NLRC3: variants seen among roughly 807,000 people sequenced by gnomAD.
The protein encoded by NLRC3 is NLR family CARD domain-containing protein 3.
NLRC3 carries 87 observed loss-of-function variants against 91.6 expected under a neutral mutation model. That is an observed-to-expected ratio of 0.95 (90% confidence interval 0.80 to 1.14). The LOEUF is 1.14. Among genes scored for constraint, NLRC3 ranks in the 50% most tolerant of loss-of-function variants. The pLI is 0.00. For synonymous variants in NLRC3, 694 were observed against 625.3 expected (o/e 1.11, Z -1.64); for missense variants, 1,577 against 1,418.6 (o/e 1.11, Z -1.79).
At position 3,564,282 on chromosome 16, in the gene NLRC3, C is replaced by A. The variant is rs759686186; in HGVS notation, c.655G>T (p.Asp219Tyr). 3 of 1,612,006 alleles carry A rather than the reference C, an allele frequency of 1.9e-6. No homozygotes were observed. Among genetic ancestry groups the A allele is most frequent in the Admixed American group, 1.7e-5 (1 of 59,882 alleles). ...GGCGTCCTGCACTCATCCAAGCCGT[C>A]CAGGATCAGGAGGGCCCTGGCTGGG... ...AVPARALLILDGLDECRTPLD... is the reference protein window; with the variant it reads ...AVPARALLILYGLDECRTPLD... The change falls in exon 5 of 20, where the codon GAC (aspartate) becomes TAC (tyrosine). Residue 219 changes from aspartate to tyrosine, a missense_variant. Transcript: ENST00000359128. This position sits in a 1 kb window ranked among gnomAD's most constrained non-coding sequence, Gnocchi z 5.9.
At position 3,577,174 on chromosome 16, in the gene NLRC3, G is replaced by T; in HGVS notation, c.-194C>A. 1 of 702,972 alleles carries T rather than the reference G, an allele frequency of 1.4e-6. No homozygotes were observed. The highest frequency in any genetic ancestry group is 2.6e-6 in the Non-Finnish European group (1 of 384,986). 43.5% of individuals were successfully genotyped at this position (702,972 alleles called of 1,614,324 possible). A position where few individuals can be genotyped will look rare whatever the true frequency, so the allele number is the denominator to read the frequency against. On this transcript the variant is annotated 5_prime_UTR_variant, in exon 1 of 20. Coordinates refer to ENST00000359128, the MANE Select transcript of NLRC3 (RefSeq NM_178844.4). ...CTCCCGGGCCTCGATGCTGCTCCAGGGACAGCAAGACTGGGGGGCCTGGGG... is the reference window on the plus strand; with the variant it reads ...CTCCCGGGCCTCGATGCTGCTCCAGTGACAGCAAGACTGGGGGGCCTGGGG...
At chr16:3,566,991 G>A (rs1408530012) in intron 2 of NLRC3, among the ~76,000 whole-genome samples, 1 of 152,176 alleles carries the variant, frequency 6.6e-6, no homozygotes, top group Admixed American at 6.5e-5. Context: ...TTCTCAGAGC[G>A]GCTGTTTTTC....
intron 9 of NLRC3, among the ~76,000 whole-genome samples, chr16:3,552,796 G>A (rs1596456875): frequency 2.0e-5 from 3 of 152,130 alleles, no homozygotes; most frequent in East Asian, 3.9e-4. Context: ...AAAAATTAGC[G>A]GGGCGTGGTG....
Position 3,555,957 on chromosome 16 carries a change from A to AATAAAT in NLRC3, c.2183+948_2183+953dup, listed in dbSNP as rs2039295611. ...AAATAAATAAATAAATAAATAAATA[A>AATAAAT]ATAAATAAATAAATGAAAACAGAAC... On this transcript the variant is annotated intron_variant, in intron 8 of 19. Coordinates refer to ENST00000359128, the MANE Select transcript of NLRC3 (RefSeq NM_178844.4). 4.7e-5 allele frequency: 7 copies of AATAAAT among 147,592 alleles called. No homozygotes were observed. The South Asian group carries it at 1.3e-3, about 27-fold the overall frequency. 9.1% of individuals were successfully genotyped at this position (147,592 alleles called of 1,614,324 possible).
intron 16 of NLRC3, chr16:3,543,883 G>T (rs766672498): frequency 1.2e-5 from 4 of 346,898 alleles, no homozygotes; most frequent in African/African-American, 2.1e-5. Flanking sequence ...GCCAGGTGTG[G>T]TGGCTCACAC....
rs769143954 is a variant in NLRC3 at position 3,563,143 on chromosome 16, G to A, written c.1794C>T (p.Pro598=). 47 of 1,587,592 alleles carry A rather than the reference G, an allele frequency of 3.0e-5. No homozygotes were observed. The East Asian group carries it at 3.0e-4, about 10-fold the overall frequency. ...ESGALARLTG[P]AHRAALAYLL... Reference sequence around the variant, plus strand: ...GGTAGGCCAGGGCAGCGCGGTGCGCGGGACCAGTCAGCCTGGCCAGGGCCC... The same window carrying A: ...GGTAGGCCAGGGCAGCGCGGTGCGCAGGACCAGTCAGCCTGGCCAGGGCCC... The change falls in exon 5 of 20, where the codon CCC becomes CCT. Residue 598 remains proline (P), a synonymous_variant. Coordinates refer to ENST00000359128, the MANE Select transcript of NLRC3 (RefSeq NM_178844.4).
intron 6 of NLRC3, among the ~76,000 whole-genome samples, chr16:3,561,352 T>C (rs1051696809): frequency 6.6e-6 from 1 of 152,036 alleles, no homozygotes; most frequent in Non-Finnish European, 1.5e-5. Context: ...CTGGGGGGGA[T>C]AATTATAATC....
At chr16:3,546,119 T>C (rs112803217) in intron 15 of NLRC3, among the ~76,000 whole-genome samples, 12,522 of 152,020 alleles carry the variant, frequency 0.082, 586 homozygotes, top group African/African-American at 0.12. Context: ...AGGAGGTGGG[T>C]AGGCACAGTG....
intron 1 of NLRC3, among the ~76,000 whole-genome samples, chr16:3,569,397 A>ATTATT (rs2040014294): frequency 4.9e-5 from 2 of 41,058 alleles, no homozygotes; most frequent in Admixed American, 4.4e-4. Context: ...TATATATATT[A>ATTATT]TTTTTTTTTT....
intron 8 of NLRC3, 32 bp downstream of exon 8, chr16:3,556,879 G>C (rs370974258): frequency 6.6e-7 from 1 of 1,506,622 alleles, no homozygotes; most frequent in Non-Finnish European, 9.2e-7. Context: ...CCCTCTCTTG[G>C]GGTCACAACA....
At chr16:3,556,703 A>G (rs2039353378) in intron 8 of NLRC3, among the ~76,000 whole-genome samples, 1 of 152,090 alleles carries the variant, frequency 6.6e-6, no homozygotes, top group Admixed American at 6.6e-5. Context: ...CCATTTCGCC[A>G]TGTTGGCCAG....
chr16:3,548,641 C>A (rs768134849), intron 14 of NLRC3, 29 bp downstream of exon 14: 2 of 1,489,104 alleles, frequency 1.3e-6, no homozygotes, highest in South Asian at 2.4e-5. Context: ...AGAAGGGGAA[C>A]AGAGCAGGGT....
chr16:3,542,831 A>G (rs2151079414), intron 17 of NLRC3, 56 bp from the exon 18 acceptor site: 1 of 1,258,020 alleles, frequency 7.9e-7, no homozygotes, highest in Non-Finnish European at 1.1e-6. Flanking sequence ...GGTGATACTG[A>G]CCCCTCTGCG....
At chr16:3,545,712 G>A (rs2038658177) in intron 15 of NLRC3, 1 of 152,232 alleles carries the variant, frequency 6.6e-6, no homozygotes, top group East Asian at 1.9e-4. Context: ...GCTCCCAGAA[G>A]AAATAGGTCA....
chr16:3,565,101 C>T, intron 3 of NLRC3, 41 bp from the exon 4 acceptor site: 1 of 1,495,836 alleles, frequency 6.7e-7, no homozygotes. Context: ...GCCGTGCCCC[C>T]CATCCAGCAG....
chr16:3,557,407 G>GA (rs1479779428), intron 7 of NLRC3, among the ~76,000 whole-genome samples, 186 bp downstream of exon 7: 1 of 152,180 alleles, frequency 6.6e-6, no homozygotes, highest in South Asian at 2.1e-4. Context: ...AGGAGTCTTA[G>GA]AACCTGCTCC....
chr16:3,551,138 C>T (rs1479679885), intron 10 of NLRC3, among the ~76,000 whole-genome samples: 1 of 151,872 alleles, frequency 6.6e-6, no homozygotes, highest in African/African-American at 2.4e-5. Flanking sequence ...TCCATCCATC[C>T]ATCCACTCAC....
At chr16:3,561,023 T>A (rs1166352014) in intron 6 of NLRC3, among the ~76,000 whole-genome samples, 1 of 152,142 alleles carries the variant, frequency 6.6e-6, no homozygotes, top group Non-Finnish European at 1.5e-5. Context: ...AATTAAATTT[T>A]AATTAAATTA....
intron 1 of NLRC3, among the ~76,000 whole-genome samples, chr16:3,574,870 G>A (rs971893095): frequency 4.6e-5 from 7 of 152,262 alleles, no homozygotes; most frequent in Admixed American, 3.9e-4. Context: ...GCTGAGGCAG[G>A]AGAATCGCCT....
Sources: gnomAD v4.1 joint callset for allele counts (sites outside exome capture counted in the v4.1 genomes callset) on GRCh38, gnomAD v4.1.1 for gene constraint, Gnocchi (gnomAD v3.1) non-coding constraint, MANE v1.5 for transcripts, NCBI Gene and HGNC (gene_info 2026-07-23, HGNC 2026-07-21) for gene names.